Variants in BICD2 observed in about 807,000 individuals in gnomAD.
BICD2 encodes the protein BICD cargo adaptor 2, also known as protein bicaudal D homolog 2.
Under a neutral mutation model 72.9 loss-of-function variants are expected in BICD2, and 25 were observed. The ratio of observed to expected loss-of-function variants is 0.34; its 90% CI spans 0.25 to 0.48. The LOEUF is 0.48. BICD2 is among the 20% of genes least tolerant of loss of function. BICD2 has a pLI of 0.99. For missense variants in BICD2, 894 were observed against 1,175.2 expected (o/e 0.76, Z 3.50); for synonymous variants, 501 against 516.1 (o/e 0.97, Z 0.40).
Position 92,713,695 on chromosome 9 carries a change from G to A in BICD2, c.*1459C>T. 1 of 1,398,194 alleles carries A rather than the reference G, an allele frequency of 7.2e-7. No homozygotes were observed. Among genetic ancestry groups the A allele is most frequent in the Non-Finnish European group, 9.3e-7 (1 of 1,073,300 alleles). 86.6% of individuals were successfully genotyped at this position (1,398,194 alleles called of 1,614,324 possible). On this transcript the variant is annotated 3_prime_UTR_variant, in exon 7 of 7. Transcript: ENST00000356884. The stretch of plus-strand genomic sequence containing the variant: ...GGAGAGGGCAAAGCGCATGCAGGGT[G>A]GGCATGCCAGCAGCCATCCCACTGC...
chr9:92,758,544 T>C (rs1394187392), intron 1 of BICD2, among the ~76,000 whole-genome samples: 31 of 49,856 alleles, frequency 6.2e-4, no homozygotes, highest in South Asian at 8.2e-4. Context: ...ATAACAAGAC[T>C]CCGTCTCAAA....
rs761445273 is a variant in BICD2 at position 92,764,625 on chromosome 9, C to T, written c.120G>A (p.Lys40=). The T allele has an allele frequency of 3.8e-6, 6 of 1,594,588 alleles. No homozygotes were observed. Among genetic ancestry groups the T allele is most frequent in the Admixed American group, 1.7e-5 (1 of 57,320 alleles). Residue 40 remains lysine (K), a synonymous_variant, in exon 1 of 7, where the codon AAG becomes AAA. Coordinates refer to ENST00000356884, the MANE Select transcript of BICD2 (RefSeq NM_001003800.2). This position sits in a 1 kb window ranked among gnomAD's most constrained non-coding sequence, Gnocchi z 5.5. The part of the protein sequence containing the change: ...SHELAETTRE[K]IQAAEYGLAV... ...CCAGCCCGTACTCGGCCGCCTGGAT[C>T]TTCTCACGCGTGGTCTCGGCCAGCT...
chr9:92,719,512 C>G lies in BICD2; in HGVS notation c.1133G>C (p.Gly378Ala), dbSNP rs1440404997. 1.2e-6 allele frequency: 2 copies of G among 1,613,520 alleles called. No homozygotes were observed. The highest frequency in any genetic ancestry group is 2.7e-5 in the African/African-American group (2 of 74,948). The change falls in exon 5 of 7, where the codon GGC becomes GCC. Residue 378 changes from glycine to alanine, a missense_variant. Physicochemically the swap from Gly to Ala is moderately conservative, Grantham distance 60 (BLOSUM62 0). Coordinates refer to ENST00000356884, the MANE Select transcript of BICD2 (RefSeq NM_001003800.2). The stretch of plus-strand genomic sequence containing the variant: ...CTTCTCCTGCTGTTCTGACAGGGAG[C>G]CCCGCGTGTGCTCCAGCTGCTTCTG... ...DTQKQLEHTR[G>A]SLSEQQEKVT...
In BICD2 at chr9:92,712,407, G is replaced by A. The variant is rs1337129533; in HGVS notation, c.*2747C>T. 2.6e-5 allele frequency: 4 copies of A among 152,568 alleles called. No homozygotes were observed. The allele number at this position is 152,568 out of a possible 1,614,324, so 9.5% of individuals were successfully genotyped here. A position where few individuals can be genotyped will look rare whatever the true frequency, so the allele number is the denominator to read the frequency against. The stretch of plus-strand genomic sequence containing the variant: ...CTGCTCGCTTTTGAGAATGATCTGT[G>A]CTGGGACACCTCCCTTAACTGATGA... On this transcript the variant is annotated 3_prime_UTR_variant, in exon 7 of 7. Coordinates refer to ENST00000356884, the MANE Select transcript of BICD2 (RefSeq NM_001003800.2).
Position 92,718,551 on chromosome 9 carries a change from C to T in BICD2, c.2094G>A (p.Lys698=), listed in dbSNP as rs1853373891. Residue 698 remains lysine, a synonymous_variant, in exon 5 of 7, where the codon AAG becomes AAA. Coordinates refer to ENST00000356884, the MANE Select transcript of BICD2 (RefSeq NM_001003800.2). Reference sequence around the variant, plus strand: ...CCTGGCACCTCACCTGCTTGTTGGCCTTGAGCACAGTGCGCAGCGTGGTGA... The same window carrying T: ...CCTGGCACCTCACCTGCTTGTTGGCTTTGAGCACAGTGCGCAGCGTGGTGA... ...EQITTLRTVL[K]ANKQTAEVAL... 1.9e-6 allele frequency: 3 copies of T among 1,610,310 alleles called. No homozygotes were observed. Among genetic ancestry groups the T allele is most frequent in the South Asian group, 1.1e-5 (1 of 90,852 alleles).
In BICD2 at chr9:92,719,162, C is replaced by A; in HGVS notation, c.1483G>T (p.Asp495Tyr). 1 of 1,611,414 alleles carries A rather than the reference C, an allele frequency of 6.2e-7. No individual in the cohort carries two copies. The highest frequency in any genetic ancestry group is 1.1e-5 in the South Asian group (1 of 91,088). The change falls in exon 5 of 7, where the codon GAC becomes TAC. Residue 495 changes from aspartate to tyrosine, a missense_variant. Physicochemically the swap from Asp to Tyr is radical, Grantham distance 160 (BLOSUM62 -3). This residue lies in a region of BICD2 where 371 missense variants were observed against 439.1 expected (regional missense o/e 0.84). Coordinates refer to ENST00000356884, the MANE Select transcript of BICD2 (RefSeq NM_001003800.2). The part of the protein sequence containing the change: ...VSLLEKASRQ[D>Y]RELLARLEKE... ...TCCAGCCGGGCCAGCAGCTCGCGGT[C>A]CTGGCGGCTGGCCTTCTCTAGCAGG...
intron 6 of BICD2, among the ~76,000 whole-genome samples, chr9:92,717,567 C>T (rs1019020243): frequency 2.6e-5 from 4 of 152,356 alleles, no homozygotes; most frequent in African/African-American, 4.8e-5. Flanking sequence ...GCCCCCATAT[C>T]GCCTCACCCT....
At chr9:92,729,301 G>C (rs1587675840) in intron 1 of BICD2, 65 bp from the exon 2 acceptor site, 2 of 1,519,364 alleles carry the variant, frequency 1.3e-6, no homozygotes, top group East Asian at 4.5e-5. Flanking sequence ...TAGAGACCCA[G>C]CTCACAGGCG....
chr9:92,726,074 C>G (rs977572371), intron 2 of BICD2, among the ~76,000 whole-genome samples: 2 of 152,112 alleles, frequency 1.3e-5, no homozygotes, highest in African/African-American at 4.8e-5. Context: ...GGGCTGCCCA[C>G]ATGTAGGGCC....
At chr9:92,755,195 T>C (rs1480741898) in intron 1 of BICD2, among the ~76,000 whole-genome samples, 2 of 152,338 alleles carry the variant, frequency 1.3e-5, no homozygotes, top group African/African-American at 4.8e-5. Context: ...CAGTTTCCCA[T>C]AGCGCTCCCA....
intron 2 of BICD2, among the ~76,000 whole-genome samples, chr9:92,723,455 C>G (rs1444331579): frequency 6.6e-6 from 1 of 152,190 alleles, no homozygotes; most frequent in African/African-American, 2.4e-5. Flanking sequence ...GAAAGAAGGC[C>G]TGTCACGAGA....
Position 92,713,046 on chromosome 9 carries a change from C to T in BICD2, c.*2108G>A, listed in dbSNP as rs952556170. 11 of 195,550 alleles carry T rather than the reference C, an allele frequency of 5.6e-5. No homozygotes were observed. The highest frequency in any genetic ancestry group is 6.4e-5 in the Non-Finnish European group (6 of 93,210). The allele number at this position is 195,550 out of a possible 1,614,324, so 12.1% of individuals were successfully genotyped here. Reference sequence around the variant, plus strand: ...GCTACAGGACCACGAGCATAGACCACGGCACCTGAGACCGTCTCTACGCGA... The same window carrying T: ...GCTACAGGACCACGAGCATAGACCATGGCACCTGAGACCGTCTCTACGCGA... On this transcript the variant is annotated 3_prime_UTR_variant, in exon 7 of 7. Transcript: ENST00000356884.
In BICD2 at chr9:92,722,677, C is replaced by T. The variant is rs374356164; in HGVS notation, c.585G>A (p.Val195=). 1 of 1,614,100 alleles carries T rather than the reference C, an allele frequency of 6.2e-7. No individual in the cohort carries two copies. The highest frequency in any genetic ancestry group is 1.3e-5 in the African/African-American group (1 of 74,948). Residue 195 remains valine (V), a synonymous_variant, in exon 3 of 7, where the codon GTG becomes GTA. Coordinates refer to ENST00000356884, the MANE Select transcript of BICD2 (RefSeq NM_001003800.2). ...TCACCTGGTTCTGTCTGAGCACAGACACTTGCTTCTGCAGGCTGATGTTCT... is the reference window on the plus strand; with the variant it reads ...TCACCTGGTTCTGTCTGAGCACAGATACTTGCTTCTGCAGGCTGATGTTCT... ...EEENISLQKQ[V]SVLRQNQVEF... is the part of the protein sequence containing the mutation.
chr9:92,715,602 G>A, intron 6 of BICD2, 139 bp from the exon 7 acceptor site: 1 of 835,754 alleles, frequency 1.2e-6, no homozygotes, highest in Non-Finnish European at 1.8e-6. Flanking sequence ...ACTGGAGGGT[G>A]TGGCTGGGGA....
chr9:92,762,662 T>C (rs1156419980), intron 1 of BICD2, among the ~76,000 whole-genome samples: 1 of 152,140 alleles, frequency 6.6e-6, no homozygotes, highest in Admixed American at 6.5e-5. Context: ...TGCCAAAACG[T>C]TTGTGTCAGA....
intron 6 of BICD2, 38 bp downstream of exon 6, chr9:92,717,759 C>A: frequency 6.4e-7 from 1 of 1,570,722 alleles, no homozygotes; most frequent in South Asian, 1.2e-5. Context: ...GGACAGCTGG[C>A]CTTGTGGAAG....
intron 6 of BICD2, among the ~76,000 whole-genome samples, chr9:92,716,806 T>C (rs1347612545): frequency 2.6e-5 from 4 of 152,194 alleles, no homozygotes; most frequent in African/African-American, 9.6e-5. Flanking sequence ...TTCCCAGCCT[T>C]GGGGTCTGAG....
rs778218322 is a variant in BICD2, at chr9:92,715,294, G to A, written c.2428C>T (p.Arg810Cys). 19 of 1,612,608 alleles carry A rather than the reference G, an allele frequency of 1.2e-5. No homozygotes were observed. Among genetic ancestry groups the A allele is most frequent in the Middle Eastern group, 1.6e-4 (1 of 6,072 alleles). Residue 810 changes from arginine to cysteine, a missense_variant, in exon 7 of 7, where the codon CGT becomes TGT. Physicochemically the swap from Arg to Cys is radical, Grantham distance 180. This residue lies in a region of BICD2 where 321 missense variants were observed against 443.9 expected (regional missense o/e 0.72). Coordinates refer to ENST00000356884, the MANE Select transcript of BICD2 (RefSeq NM_001003800.2). Reference sequence around the variant, plus strand: ...TTGGTCTTCGGGGCGGCTTTGGCACGGCCACGCCGGGTCTGCTCATGGTCC... The same window carrying A: ...TTGGTCTTCGGGGCGGCTTTGGCACAGCCACGCCGGGTCTGCTCATGGTCC... ...ELDHEQTRRG[R>C]AKAAPKTKPA...
At chr9:92,750,103 G>C (rs1002869744) in intron 1 of BICD2, among the ~76,000 whole-genome samples, 1 of 152,248 alleles carries the variant, frequency 6.6e-6, no homozygotes, top group Non-Finnish European at 1.5e-5. Context: ...AGTGGCAGGA[G>C]AATCTTACGC....
Sources: allele counts gnomAD v4.1 joint callset (sites outside exome capture counted in the v4.1 genomes callset), GRCh38; gene constraint gnomAD v4.1.1; regional missense constraint gnomAD v4.1.1; non-coding constraint Gnocchi (gnomAD v3.1); transcripts MANE v1.5; gene names NCBI Gene and HGNC (gene_info 2026-07-23, HGNC 2026-07-21).